Variants in INPP5A observed in about 807,000 individuals in gnomAD.
The protein encoded by INPP5A is inositol polyphosphate-5-phosphatase A.
A neutral mutation model predicts 65.2 loss-of-function variants in INPP5A; 14 were observed. The observed-to-expected ratio is 0.21, with a 90% CI of 0.14 to 0.34. The LOEUF is 0.34. Among genes scored for constraint, INPP5A ranks in the 10% least tolerant of loss-of-function variants. INPP5A has a pLI of 1.00. For missense variants in INPP5A, 431 were observed against 545.6 expected (o/e 0.79, Z 2.09); for synonymous variants, 207 against 208.3 (o/e 0.99, Z 0.05).
intron 11 of INPP5A, among the ~76,000 whole-genome samples, chr10:132,760,828 A>T (rs1846719843): frequency 6.6e-6 from 1 of 152,148 alleles, no homozygotes; most frequent in South Asian, 2.1e-4. Context: ...GGGGAGTTTG[A>T]GGAGAAGCCC....
In INPP5A at chr10:132,575,178, G is replaced by C. The variant is rs11146422; in HGVS notation, c.76-32737G>C. Among the ~76,000 whole-genome samples the C allele has an allele frequency of 0.091, 13,821 of 152,212 alleles. 715 individuals carry two copies. The highest frequency in any genetic ancestry group is 0.11 in the Middle Eastern group (32 of 294). ...CTGTTGAATGCTGCATTCTTCCTCC[G>C]CAGGCTGGCGTTTGCACCGGCCTGG... On this transcript the variant is annotated intron_variant, in intron 1 of 15. Coordinates refer to ENST00000368594, the MANE Select transcript of INPP5A (RefSeq NM_005539.5). The surrounding 1 kb of genome is among the most constrained non-coding windows in gnomAD (Gnocchi z 5.4).
intron 1 of INPP5A, among the ~76,000 whole-genome samples, chr10:132,539,440 T>C (rs534359569): frequency 3.9e-4 from 59 of 152,226 alleles, no homozygotes; most frequent in African/African-American, 1.4e-3. Flanking sequence ...GGCCTTTACC[T>C]TCTAGGGCCC....
intron 4 of INPP5A, among the ~76,000 whole-genome samples, chr10:132,665,245 C>G (rs1381049358): frequency 6.6e-6 from 1 of 152,230 alleles, no homozygotes; most frequent in Non-Finnish European, 1.5e-5. Context: ...AGACAGCGCA[C>G]CCCGCAGCGG....
At chr10:132,769,870 A>C (rs1370501421) in intron 12 of INPP5A, among the ~76,000 whole-genome samples, 5 of 149,368 alleles carry the variant, frequency 3.3e-5, no homozygotes, top group Non-Finnish European at 5.9e-5. Flanking sequence ...CGATTTGGAC[A>C]CCCCAGTGGT....
At chr10:132,673,785 T>A (rs1340683203) in intron 4 of INPP5A, among the ~76,000 whole-genome samples, 1 of 152,236 alleles carries the variant, frequency 6.6e-6, no homozygotes, top group Non-Finnish European at 1.5e-5. Context: ...GACAAACCTC[T>A]GCCCTTCCCA....
At position 132,782,268 on chromosome 10, in the gene INPP5A, T is replaced by A. The variant is rs63356461; in HGVS notation, c.*239T>A. The A allele has an allele frequency of 1.2e-3, 414 of 359,982 alleles. No individual in the cohort carries two copies. The highest frequency in any genetic ancestry group is 8.3e-3 in the African/African-American group (344 of 41,398). 22.3% of individuals were successfully genotyped at this position (359,982 alleles called of 1,614,324 possible). ...AATATTGGTTTTTTTTTTTTTTTTTTAAATAAGTCACAGTCCTGTTGTCAA... is the reference window on the plus strand; with the variant it reads ...AATATTGGTTTTTTTTTTTTTTTTTAAAATAAGTCACAGTCCTGTTGTCAA... On this transcript the variant is annotated 3_prime_UTR_variant, in exon 16 of 16. Coordinates refer to ENST00000368594, the MANE Select transcript of INPP5A (RefSeq NM_005539.5). The surrounding 1 kb of genome is among the most constrained non-coding windows in gnomAD (Gnocchi z 4.4).
intron 2 of INPP5A, among the ~76,000 whole-genome samples, chr10:132,626,833 C>T (rs537373289): frequency 2.7e-4 from 41 of 152,336 alleles, no homozygotes; most frequent in South Asian, 6.2e-4. Context: ...GTGTGAGGCC[C>T]TCCCAGCTCA....
chr10:132,594,851 T>C (rs187279936), intron 1 of INPP5A, among the ~76,000 whole-genome samples: 262 of 152,300 alleles, frequency 1.7e-3, no homozygotes, highest in African/African-American at 5.9e-3. Flanking sequence ...AGGTTCTCCA[T>C]GGTTCTCCCC....
At chr10:132,640,927 G>A (rs767853907) in intron 2 of INPP5A, among the ~76,000 whole-genome samples, 21 of 152,124 alleles carry the variant, frequency 1.4e-4, no homozygotes, top group Non-Finnish European at 2.8e-4. Flanking sequence ...ATCGGCCTCC[G>A]TCGAGATCCG....
intron 1 of INPP5A, among the ~76,000 whole-genome samples, chr10:132,583,891 G>A (rs1374598287): frequency 6.6e-6 from 1 of 152,128 alleles, no homozygotes; most frequent in Non-Finnish European, 1.5e-5. Context: ...AGACTAGCCT[G>A]GGCAACGTGG....
Position 132,550,883 on chromosome 10 carries a change from C to T in INPP5A, c.75+12712C>T, listed in dbSNP as rs1002429127. 1.3e-5 allele frequency among the ~76,000 whole-genome samples: 2 copies of T among 152,172 alleles called. No individual in the cohort carries two copies. Among genetic ancestry groups the T allele is most frequent in the East Asian group, 1.9e-4 (1 of 5,192 alleles). On this transcript the variant is annotated intron_variant, in intron 1 of 15. Transcript: ENST00000368594. This position sits in a 1 kb window ranked among gnomAD's most constrained non-coding sequence, Gnocchi z 4.2. ...TTTGGCCACCAACTGGCCCCTATGGCGTTTGGCCTTCAGGGTGGTCATTGG... is the reference window on the plus strand; with the variant it reads ...TTTGGCCACCAACTGGCCCCTATGGTGTTTGGCCTTCAGGGTGGTCATTGG...
intron 12 of INPP5A, among the ~76,000 whole-genome samples, chr10:132,773,074 T>G (rs1005558485): frequency 2.6e-5 from 4 of 152,214 alleles, no homozygotes; most frequent in Non-Finnish European, 5.9e-5. Flanking sequence ...CCCACCGCCC[T>G]CCCCGGTGGA....
At chr10:132,561,919 G>T (rs1187899175) in intron 1 of INPP5A, among the ~76,000 whole-genome samples, 3 of 152,236 alleles carry the variant, frequency 2.0e-5, no homozygotes, top group Non-Finnish European at 2.9e-5. Context: ...GTCCTCAGGG[G>T]CATGTGATGT....
At chr10:132,730,897 C>G (rs1221059141) in intron 9 of INPP5A, among the ~76,000 whole-genome samples, 2 of 152,188 alleles carry the variant, frequency 1.3e-5, no homozygotes, top group Non-Finnish European at 2.9e-5. Context: ...TAATTCAGAT[C>G]TGATAATTCA....
At chr10:132,552,192 C>G (rs1446425775) in intron 1 of INPP5A, among the ~76,000 whole-genome samples, 1 of 147,266 alleles carries the variant, frequency 6.8e-6, no homozygotes, top group Non-Finnish European at 1.5e-5. Context: ...AATGCCTTCT[C>G]AGAGCCTTGG....
chr10:132,761,079 CT>C (rs1232569591), intron 11 of INPP5A, among the ~76,000 whole-genome samples: 1 of 152,210 alleles, frequency 6.6e-6, no homozygotes, highest in Non-Finnish European at 1.5e-5. Context: ...TAAAAATGTG[CT>C]GGGACCGCCA....
chr10:132,777,720 C>T lies in INPP5A; in HGVS notation c.1027C>T (p.Arg343Trp), dbSNP rs1847088500. ...CCAGGGTGAGCAGTACATGAACACCCGGTGCCCAGCCTGGTGTGACCGCAT... is the reference window on the plus strand; with the variant it reads ...CCAGGGTGAGCAGTACATGAACACCTGGTGCCCAGCCTGGTGTGACCGCAT... ...ARQGEQYMNTRCPAWCDRILM... is the reference protein window; with the variant it reads ...ARQGEQYMNTWCPAWCDRILM... The change falls in exon 13 of 16, where the codon CGG (arginine) becomes TGG (tryptophan). Residue 343 changes from arginine to tryptophan, a missense_variant. Physicochemically the swap from Arg to Trp is moderately radical, Grantham distance 101. Transcript: ENST00000368594. The T allele has an allele frequency of 6.2e-7, 1 of 1,613,054 alleles. No individual in the cohort carries two copies. The highest frequency in any genetic ancestry group is 8.5e-7 in the Non-Finnish European group (1 of 1,180,006).
chr10:132,729,360 G>A (rs1846041937), intron 9 of INPP5A, among the ~76,000 whole-genome samples: 1 of 152,218 alleles, frequency 6.6e-6, no homozygotes, highest in Non-Finnish European at 1.5e-5. Context: ...ACTGTCAGCA[G>A]TGTTTTTTGA....
At chr10:132,780,455 G>C (rs1055044602) in intron 13 of INPP5A, among the ~76,000 whole-genome samples, 2 of 152,256 alleles carry the variant, frequency 1.3e-5, no homozygotes, top group African/African-American at 4.8e-5. Context: ...GAGCACACCT[G>C]CACAGAAAGC....
Sources: allele counts gnomAD v4.1 joint callset (sites outside exome capture counted in the v4.1 genomes callset), GRCh38; gene constraint gnomAD v4.1.1; non-coding constraint Gnocchi (gnomAD v3.1); transcripts MANE v1.5; gene names NCBI Gene and HGNC (gene_info 2026-07-23, HGNC 2026-07-21).